LRRN1: variants seen among roughly 807,000 people sequenced by gnomAD.
LRRN1 encodes the protein leucine-rich repeat neuronal protein 1.
In LRRN1, 14 loss-of-function variants were observed where a neutral mutation model predicts 45.8. That is an observed-to-expected ratio of 0.31 (90% CI 0.20 to 0.48). LRRN1 has a LOEUF of 0.48. LRRN1 is among the 20% of genes least tolerant of loss of function. The probability of loss-of-function intolerance (pLI) is 0.99; values close to 1 mark genes in which losing one functional copy is unlikely to be tolerated. For missense variants in LRRN1, 789 were observed against 874.2 expected, an observed-to-expected ratio of 0.90 and a Z score of 1.23; for synonymous variants, 359 against 330.1, an observed-to-expected ratio of 1.09 and a Z score of -0.95.
At chr3:3,838,095 C>G (rs2120605) in intron 1 of LRRN1, among the ~76,000 whole-genome samples, 28,345 of 151,940 alleles carry the variant, frequency 0.19, 3,097 homozygotes, top group East Asian at 0.31. Flanking sequence ...GAAATAAGAC[C>G]ACCCATCTAC....
intron 1 of LRRN1, among the ~76,000 whole-genome samples, chr3:3,811,465 C>T (rs183836840): frequency 1.3e-5 from 2 of 152,268 alleles, no homozygotes; most frequent in African/African-American, 2.4e-5. Context: ...AATATTCAGT[C>T]GTTGAAAGAG....
rs1305179265 is a variant in LRRN1, at chr3:3,848,128, T to C, written c.*1336T>C. The stretch of plus-strand genomic sequence containing the variant: ...AAACTGTATGACATGTTATTTCTTT[T>C]TAACAGTTGTCTATATGCTTAGACC... On this transcript the variant is annotated 3_prime_UTR_variant, in exon 2 of 2. Coordinates refer to ENST00000319331, the MANE Select transcript of LRRN1 (RefSeq NM_020873.7). 2.0e-5 allele frequency among the ~76,000 whole-genome samples: 3 copies of C among 152,230 alleles called. No homozygotes were observed. Among genetic ancestry groups the C allele is most frequent in the African/African-American group, 7.2e-5 (3 of 41,464 alleles).
intron 1 of LRRN1, among the ~76,000 whole-genome samples, chr3:3,805,252 A>C (rs1333813074): frequency 2.6e-5 from 4 of 152,210 alleles, no homozygotes; most frequent in Non-Finnish European, 4.4e-5. Flanking sequence ...AAAGCTTTAA[A>C]AGAGAGAAAG....
chr3:3,835,583 G>A, intron 1 of LRRN1, among the ~76,000 whole-genome samples: 1 of 119,516 alleles, frequency 8.4e-6, no homozygotes, highest in Admixed American at 9.2e-5. Flanking sequence ...AGAGCTGCCT[G>A]ATTTTTTTTT....
At position 3,803,902 on chromosome 3, in the gene LRRN1, G is replaced by A. The variant is rs75422194; in HGVS notation, c.-279+3983G>A. Among the ~76,000 whole-genome samples, 334 of 152,220 alleles carry A rather than the reference G, an allele frequency of 2.2e-3. 1 individual carries two copies. The highest frequency in any genetic ancestry group is 6.8e-3 in the Middle Eastern group (2 of 294). On this transcript the variant is annotated intron_variant, in intron 1 of 1. Coordinates refer to ENST00000319331, the MANE Select transcript of LRRN1 (RefSeq NM_020873.7). ...GATCTGTTACAGAATGTAGCCTCCC[G>A]AGTTCTGAAACATAGATAAATGCAT...
chr3:3,817,445 AAC>A (rs931593953), intron 1 of LRRN1, among the ~76,000 whole-genome samples: 2 of 152,216 alleles, frequency 1.3e-5, no homozygotes, highest in African/African-American at 4.8e-5. Context: ...CATTCACCCA[AAC>A]ACTGCTGTCT....
rs1441426868 is a variant in LRRN1 at position 3,845,708 on chromosome 3, C to T, written c.1067C>T (p.Thr356Ile). 1.9e-6 allele frequency: 3 copies of T among 1,614,076 alleles called. No individual in the cohort carries two copies. The highest frequency in any genetic ancestry group is 1.3e-5 in the African/African-American group (1 of 75,008). Residue 356 changes from threonine to isoleucine, a missense_variant, in exon 2 of 2, where the codon ACA becomes ATA. Coordinates refer to ENST00000319331, the MANE Select transcript of LRRN1 (RefSeq NM_020873.7). The surrounding 1 kb of genome is among the most constrained non-coding windows in gnomAD (Gnocchi z 6.5). ...GCCTTGAATGCCATTTACCAAAAGACAGTCGAATCCCTCCCCAATCTGCGT... is the reference window on the plus strand; with the variant it reads ...GCCTTGAATGCCATTTACCAAAAGATAGTCGAATCCCTCCCCAATCTGCGT... ...NNALNAIYQK[T>I]VESLPNLREI...
chr3:3,834,531 T>TATATATATATATATATATATATATATC (rs1559302608), intron 1 of LRRN1, among the ~76,000 whole-genome samples: 1 of 102,524 alleles, frequency 9.8e-6, no homozygotes, highest in Admixed American at 9.9e-5. Flanking sequence ...ACAGGATATA[T>TATATATATATATATATATATATATATC]ATATATATAT....
chr3:3,808,398 A>G (rs1692810142), intron 1 of LRRN1, among the ~76,000 whole-genome samples: 1 of 152,224 alleles, frequency 6.6e-6, no homozygotes, highest in Non-Finnish European at 1.5e-5. Context: ...GACCGCAACT[A>G]AGTACCTTGC....
At chr3:3,838,190 C>G (rs1693567330) in intron 1 of LRRN1, among the ~76,000 whole-genome samples, 1 of 152,116 alleles carries the variant, frequency 6.6e-6, no homozygotes, top group African/African-American at 2.4e-5. Flanking sequence ...GGAGAACTGA[C>G]TACTCATATG....
intron 1 of LRRN1, among the ~76,000 whole-genome samples, chr3:3,809,039 C>T (rs1486222183): frequency 3.3e-5 from 5 of 152,104 alleles, no homozygotes; most frequent in African/African-American, 1.2e-4. Context: ...TGAAAAGCAT[C>T]TTTTGTTACA....
intron 1 of LRRN1, among the ~76,000 whole-genome samples, chr3:3,840,531 A>G (rs1326409702): frequency 6.6e-6 from 1 of 152,242 alleles, no homozygotes; most frequent in African/African-American, 2.4e-5. Flanking sequence ...ATAATGTCAC[A>G]TTAAAAAAGT....
At chr3:3,837,576 G>A (rs765070781) in intron 1 of LRRN1, among the ~76,000 whole-genome samples, 4 of 152,100 alleles carry the variant, frequency 2.6e-5, no homozygotes, top group Non-Finnish European at 5.9e-5. Context: ...ATAGTCCAAG[G>A]AACTAGGTGA....
chr3:3,814,840 G>A (rs529353724), intron 1 of LRRN1, among the ~76,000 whole-genome samples: 44 of 152,210 alleles, frequency 2.9e-4, no homozygotes, highest in African/African-American at 8.2e-4. Flanking sequence ...CTGGTATATT[G>A]ATTTTGGACT....
intron 1 of LRRN1, among the ~76,000 whole-genome samples, chr3:3,820,446 T>G (rs971319197): frequency 6.6e-6 from 1 of 152,160 alleles, no homozygotes; most frequent in Non-Finnish European, 1.5e-5. Flanking sequence ...GGGCTGAACA[T>G]TTTTTGTTTA....
chr3:3,824,248 A>T (rs1255433937), intron 1 of LRRN1, among the ~76,000 whole-genome samples: 1 of 152,216 alleles, frequency 6.6e-6, no homozygotes, highest in African/African-American at 2.4e-5. Context: ...AAGTGAGTTT[A>T]CTAGTAGAGT....
chr3:3,828,038 G>A (rs1693263493), intron 1 of LRRN1, among the ~76,000 whole-genome samples: 1 of 151,774 alleles, frequency 6.6e-6, no homozygotes, highest in African/African-American at 2.4e-5. Flanking sequence ...AGGCAAATCT[G>A]ATAGGGTTCC....
At chr3:3,809,976 A>G (rs1046859240) in intron 1 of LRRN1, among the ~76,000 whole-genome samples, 1 of 152,222 alleles carries the variant, frequency 6.6e-6, no homozygotes, top group African/African-American at 2.4e-5. Context: ...GACTCAGACT[A>G]GATATTTTAT....
chr3:3,841,022 G>T (rs1693640506), intron 1 of LRRN1, among the ~76,000 whole-genome samples: 1 of 152,122 alleles, frequency 6.6e-6, no homozygotes, highest in African/African-American at 2.4e-5. Flanking sequence ...AGTTGAGGCT[G>T]GGTGCGGTGG....
Sources: gnomAD v4.1 joint callset for allele counts (sites outside exome capture counted in the v4.1 genomes callset) on GRCh38, gnomAD v4.1.1 for gene constraint, Gnocchi (gnomAD v3.1) non-coding constraint, MANE v1.5 for transcripts, NCBI Gene and HGNC (gene_info 2026-07-23, HGNC 2026-07-21) for gene names.